The following TDRP variants were observed in gnomAD, a reference collection of about 807,000 sequenced individuals.
TDRP encodes the protein testis development related protein.
Under a neutral mutation model 10.5 loss-of-function variants are expected in TDRP, and 12 were observed. That is an observed-to-expected ratio of 1.15 (90% CI 0.73 to 1.86). The LOEUF is 1.86. Among genes scored for constraint, TDRP ranks in the 40% most tolerant of loss-of-function variants. The pLI, the probability that TDRP is intolerant of heterozygous loss-of-function variation, is 0.00. For synonymous variants in TDRP, 139 were observed against 95.4 expected (o/e 1.46, Z -2.67); for missense variants, 353 against 229.2 (o/e 1.54, Z -3.49).
chr8:500,269 T>C (rs756540657), intron 1 of TDRP, among the ~76,000 whole-genome samples: 2 of 152,224 alleles, frequency 1.3e-5, no homozygotes, highest in Non-Finnish European at 2.9e-5. Context: ...TTAATATCCA[T>C]AATTTACCAA....
At chr8:498,531 A>G (rs1801197215) in intron 1 of TDRP, among the ~76,000 whole-genome samples, 1 of 152,216 alleles carries the variant, frequency 6.6e-6, no homozygotes, top group African/African-American at 2.4e-5. Context: ...GCTTATAGGC[A>G]GAAGGGACTT....
intron 1 of TDRP, among the ~76,000 whole-genome samples, chr8:513,970 C>T (rs1256826933): frequency 1.3e-5 from 2 of 152,164 alleles, no homozygotes; most frequent in East Asian, 3.9e-4. Flanking sequence ...TGGAAAACTA[C>T]TCCACTGTCA....
At chr8:531,412 G>A (rs1802193433) in intron 1 of TDRP, among the ~76,000 whole-genome samples, 1 of 152,122 alleles carries the variant, frequency 6.6e-6, no homozygotes. Flanking sequence ...GTTGGTATCT[G>A]GCATCTGAAG....
intron 1 of TDRP, among the ~76,000 whole-genome samples, chr8:521,748 T>C (rs144318272): frequency 6.6e-6 from 1 of 152,046 alleles, no homozygotes; most frequent in African/African-American, 2.4e-5. Flanking sequence ...TATATGAACT[T>C]TAGAATTTCT....
At position 494,575 on chromosome 8, in the gene TDRP, C is replaced by G. The variant is rs765057403; in HGVS notation, c.131G>C (p.Gly44Ala). 6.2e-7 allele frequency: 1 copy of G among 1,613,930 alleles called. No homozygotes were observed. Among genetic ancestry groups the G allele is most frequent in the Non-Finnish European group, 8.5e-7 (1 of 1,179,876 alleles). Residue 44 changes from glycine to alanine, a missense_variant, in exon 2 of 3, where the codon GGT (glycine) becomes GCT (alanine). Gly to Ala is a moderately conservative substitution (Grantham distance 60, BLOSUM62 0). Coordinates refer to ENST00000324079, the MANE Select transcript of TDRP (RefSeq NM_001384899.1). The part of the protein sequence containing the change: ...QAQVQGASFR[G>A]WKEVTSLFNK... ...AAACAGTGAAGTCACTTCTTTCCAACCTCGGAAACTTGCTCCCTGAACCTA... is the reference window on the plus strand; with the variant it reads ...AAACAGTGAAGTCACTTCTTTCCAAGCTCGGAAACTTGCTCCCTGAACCTA...
intron 1 of TDRP, among the ~76,000 whole-genome samples, chr8:506,695 C>T (rs1303067469): frequency 6.6e-6 from 1 of 152,204 alleles, no homozygotes; most frequent in Non-Finnish European, 1.5e-5. Context: ...GAGCAGCTTG[C>T]CTTTGTCCCC....
At chr8:540,807 A>C (rs1206948759) in intron 1 of TDRP, among the ~76,000 whole-genome samples, 2 of 10,944 alleles carry the variant, frequency 1.8e-4, no homozygotes, top group African/African-American at 3.4e-4. Context: ...TTTTTCACGT[A>C]AAAAAAAAAA....
intron 1 of TDRP, among the ~76,000 whole-genome samples, chr8:503,144 A>G (rs1584857104): frequency 6.6e-6 from 1 of 152,204 alleles, no homozygotes; most frequent in East Asian, 1.9e-4. Context: ...ATGTGTCAAC[A>G]CAGAATCCAG....
chr8:519,658 C>A (rs896988710), intron 1 of TDRP, among the ~76,000 whole-genome samples: 6 of 152,076 alleles, frequency 3.9e-5, no homozygotes, highest in Admixed American at 3.3e-4. Context: ...GGGTTGCTCA[C>A]TGCTTGTAAA....
chr8:490,372 T>G lies in TDRP; in HGVS notation c.*2027A>C, dbSNP rs141976580. 6.6e-6 allele frequency: 1 copy of G among 152,216 alleles called. No individual in the cohort carries two copies. Among genetic ancestry groups the G allele is most frequent in the East Asian group, 1.9e-4 (1 of 5,196 alleles). The allele number at this position is 152,216 out of a possible 1,614,324, so 9.4% of individuals were successfully genotyped here. A position where few individuals can be genotyped will look rare whatever the true frequency, so the allele number is the denominator to read the frequency against. ...TTTTGAGAAATAGCATAAAGAACTA[T>G]TTTGCCAACTGTGCGTCACAATTCT... On this transcript the variant is annotated 3_prime_UTR_variant, in exon 3 of 3. Transcript: ENST00000324079.
intron 1 of TDRP, among the ~76,000 whole-genome samples, chr8:508,402 T>C (rs1246681807): frequency 6.6e-6 from 1 of 152,162 alleles, no homozygotes; most frequent in Non-Finnish European, 1.5e-5. Flanking sequence ...TTGACTCAGT[T>C]CCACATGGCT....
chr8:531,323 A>G (rs1277187908), intron 1 of TDRP, among the ~76,000 whole-genome samples: 1 of 152,158 alleles, frequency 6.6e-6, no homozygotes, highest in East Asian at 1.9e-4. Flanking sequence ...AAGGTCCGGG[A>G]CTTTCCACTC....
At chr8:496,233 G>A (rs1404752235) in intron 1 of TDRP, among the ~76,000 whole-genome samples, 1 of 152,200 alleles carries the variant, frequency 6.6e-6, no homozygotes. Flanking sequence ...TGACAGCTTT[G>A]GCACACTTGT....
chr8:537,719 A>G (rs1013158790), intron 1 of TDRP, among the ~76,000 whole-genome samples: 29 of 152,152 alleles, frequency 1.9e-4, no homozygotes. Flanking sequence ...TCTCACAACT[A>G]CCTGAAACAA....
At chr8:536,347 C>G (rs1190528050) in intron 1 of TDRP, among the ~76,000 whole-genome samples, 1 of 152,200 alleles carries the variant, frequency 6.6e-6, no homozygotes, top group African/African-American at 2.4e-5. Context: ...AATCAGTTGG[C>G]ATTCACTAAA....
intron 1 of TDRP, among the ~76,000 whole-genome samples, chr8:515,097 T>C (rs985510268): frequency 9.2e-5 from 14 of 152,150 alleles, no homozygotes; most frequent in Non-Finnish European, 1.8e-4. Flanking sequence ...CTTGTGGGAA[T>C]CCACACAGAG....
chr8:495,466 A>C (rs1356858258), intron 1 of TDRP, among the ~76,000 whole-genome samples: 2 of 152,148 alleles, frequency 1.3e-5, no homozygotes, highest in African/African-American at 4.8e-5. Context: ...ATTTTGTACA[A>C]TTTTTTCATT....
chr8:544,409 G>T (rs944937698), intron 1 of TDRP, among the ~76,000 whole-genome samples: 3 of 152,080 alleles, frequency 2.0e-5, no homozygotes, highest in East Asian at 1.9e-4. Context: ...CAGTTAAGCG[G>T]GGAGTGGGTC....
chr8:507,575 T>C (rs530443975), intron 1 of TDRP, among the ~76,000 whole-genome samples: 2 of 152,092 alleles, frequency 1.3e-5, no homozygotes, highest in East Asian at 1.9e-4. Context: ...CACACCTCCA[T>C]CATCCCAGGT....
Sources: gnomAD v4.1 joint callset for allele counts (sites outside exome capture counted in the v4.1 genomes callset) on GRCh38, gnomAD v4.1.1 for gene constraint, MANE v1.5 for transcripts, NCBI Gene and HGNC (gene_info 2026-07-23, HGNC 2026-07-21) for gene names.